OSBPL10: variants seen among roughly 807,000 people sequenced by gnomAD.
The protein encoded by OSBPL10 is oxysterol-binding protein-related protein 10.
Under a neutral mutation model 81.7 loss-of-function variants are expected in OSBPL10, and 49 were observed. The observed-to-expected ratio is 0.60, with a 90% confidence interval of 0.48 to 0.76. The LOEUF (loss-of-function observed/expected upper bound fraction) is 0.76, where lower values mean the gene tolerates loss of function less well. Ranked by LOEUF, OSBPL10 falls within the 30% of genes least tolerant of loss-of-function variation. OSBPL10 has a pLI of 0.00. For missense variants in OSBPL10, 923 were observed against 987.8 expected, an observed-to-expected ratio of 0.93 and a Z score of 0.88; for synonymous variants, 419 against 383.6, an observed-to-expected ratio of 1.09 and a Z score of -1.08.
intron 7 of OSBPL10, among the ~76,000 whole-genome samples, chr3:31,694,764 G>T (rs1695664186): frequency 6.6e-6 from 1 of 152,008 alleles, no homozygotes; most frequent in African/African-American, 2.4e-5. Context: ...TGTTTGTTTT[G>T]TTTTTTTGAG....
At chr3:31,843,246 C>T (rs1437784072) in intron 3 of OSBPL10, among the ~76,000 whole-genome samples, 4 of 152,220 alleles carry the variant, frequency 2.6e-5, no homozygotes, top group Non-Finnish European at 5.9e-5. Flanking sequence ...ACCTACCTCC[C>T]ACCTTGGGGC....
chr3:31,796,535 T>C (rs888994081), intron 4 of OSBPL10, among the ~76,000 whole-genome samples: 22 of 152,112 alleles, frequency 1.4e-4, no homozygotes, highest in Non-Finnish European at 2.2e-4. Context: ...CAAGGGACAA[T>C]TGAATATATA....
intron 2 of OSBPL10, among the ~76,000 whole-genome samples, chr3:31,992,850 A>G (rs1156622293): frequency 6.6e-6 from 1 of 152,176 alleles, no homozygotes; most frequent in Non-Finnish European, 1.5e-5. Context: ...TTTAAATAAA[A>G]TATTAGCTGG....
chr3:31,787,588 C>G (rs1207663770), intron 4 of OSBPL10, among the ~76,000 whole-genome samples: 2 of 102,408 alleles, frequency 2.0e-5, no homozygotes, highest in African/African-American at 3.5e-5. Context: ...GAGCAAGACT[C>G]CGCCTCAAAA....
At chr3:31,768,034 C>G (rs568172304) in intron 4 of OSBPL10, among the ~76,000 whole-genome samples, 1 of 152,078 alleles carries the variant, frequency 6.6e-6, no homozygotes, top group African/African-American at 2.4e-5. Context: ...CTTGATCGTG[C>G]GCTAAAAAAG....
At chr3:31,946,066 C>T (rs1191384219) in intron 1 of OSBPL10, among the ~76,000 whole-genome samples, 5 of 152,110 alleles carry the variant, frequency 3.3e-5, no homozygotes, top group East Asian at 3.9e-4. Context: ...CTGCAACCTC[C>T]GCCTCCCAGG....
intron 3 of OSBPL10, among the ~76,000 whole-genome samples, chr3:31,871,163 G>A (rs558850590): frequency 2.4e-4 from 36 of 152,242 alleles, no homozygotes; most frequent in African/African-American, 8.2e-4. Context: ...TTCGCTCTTT[G>A]CAATAAATCT....
intron 3 of OSBPL10, among the ~76,000 whole-genome samples, chr3:31,836,381 T>C (rs1366416405): frequency 6.6e-6 from 1 of 152,000 alleles, no homozygotes; most frequent in East Asian, 1.9e-4. Flanking sequence ...CTGTCCTGAA[T>C]CTATGAGTAT....
chr3:31,860,318 AG>A (rs1419894804), intron 3 of OSBPL10, among the ~76,000 whole-genome samples: 14 of 152,186 alleles, frequency 9.2e-5, no homozygotes, highest in Non-Finnish European at 2.1e-4. Flanking sequence ...ACTTGCCCCC[AG>A]GTCTATGGAG....
At chr3:31,973,780 A>G (rs1698623931) in intron 1 of OSBPL10, among the ~76,000 whole-genome samples, 1 of 152,242 alleles carries the variant, frequency 6.6e-6, no homozygotes, top group Non-Finnish European at 1.5e-5. Context: ...TTTGGAAAAC[A>G]GGTTAGCACT....
intron 8 of OSBPL10, among the ~76,000 whole-genome samples, chr3:31,682,135 T>G (rs2125543396): frequency 6.6e-6 from 1 of 152,302 alleles, no homozygotes; most frequent in East Asian, 1.9e-4. Context: ...TCCACTATTT[T>G]CCACCTGGTC....
At chr3:32,051,015 G>T (rs899071569) in intron 1 of OSBPL10, among the ~76,000 whole-genome samples, 7 of 152,222 alleles carry the variant, frequency 4.6e-5, no homozygotes, top group African/African-American at 1.7e-4. Flanking sequence ...ATTAAAAGTG[G>T]ATATCCAAGC....
intron 5 of OSBPL10, among the ~76,000 whole-genome samples, chr3:31,736,328 A>T (rs542679086): frequency 2.6e-4 from 40 of 152,280 alleles, no homozygotes; most frequent in African/African-American, 8.7e-4. Flanking sequence ...TTAATGGCAA[A>T]AAAAGCATCC....
intron 6 of OSBPL10, among the ~76,000 whole-genome samples, chr3:31,712,322 C>T (rs1696283501): frequency 6.6e-6 from 1 of 152,200 alleles, no homozygotes; most frequent in Non-Finnish European, 1.5e-5. Flanking sequence ...TAGCAGACCC[C>T]TGAGCTGCCC....
intron 4 of OSBPL10, among the ~76,000 whole-genome samples, chr3:31,819,020 C>T (rs1434370789): frequency 2.0e-5 from 3 of 152,206 alleles, no homozygotes; most frequent in South Asian, 2.1e-4. Flanking sequence ...ACCAAGAGCA[C>T]GGTTGCTAAG....
chr3:31,820,572 G>A (rs1172312176), intron 4 of OSBPL10, among the ~76,000 whole-genome samples: 1 of 151,946 alleles, frequency 6.6e-6, no homozygotes, highest in Non-Finnish European at 1.5e-5. Flanking sequence ...TCCAGCCTGG[G>A]AGGCAGAGCG....
chr3:31,977,535 A>C (rs1368621396), intron 1 of OSBPL10, among the ~76,000 whole-genome samples: 1 of 152,168 alleles, frequency 6.6e-6, no homozygotes, highest in Non-Finnish European at 1.5e-5. Flanking sequence ...CAAGTTCTCG[A>C]GGTTTACTCT....
At chr3:31,936,943 A>G (rs1468306560) in intron 1 of OSBPL10, among the ~76,000 whole-genome samples, 1 of 151,470 alleles carries the variant, frequency 6.6e-6, no homozygotes, top group East Asian at 1.9e-4. Flanking sequence ...AGGAAAAAAA[A>G]AGAAGCAGTT....
intron 4 of OSBPL10, among the ~76,000 whole-genome samples, chr3:31,796,885 T>G (rs1298410640): frequency 6.6e-6 from 1 of 151,960 alleles, no homozygotes; most frequent in Non-Finnish European, 1.5e-5. Flanking sequence ...TTTCCTCCCC[T>G]CTCCTCACTT....
Sources: allele counts gnomAD v4.1 joint callset (sites outside exome capture counted in the v4.1 genomes callset), GRCh38; gene constraint gnomAD v4.1.1; transcripts MANE v1.5; gene names NCBI Gene and HGNC (gene_info 2026-07-23, HGNC 2026-07-21).